PSKH1: variants seen among roughly 807,000 people sequenced by gnomAD.
PSKH1 encodes protein serine kinase H1.
A neutral mutation model predicts 26.7 loss-of-function variants in PSKH1; 12 were observed. The ratio of observed to expected loss-of-function variants is 0.45; its 90% CI spans 0.29 to 0.73. The LOEUF (loss-of-function observed/expected upper bound fraction) is 0.73. PSKH1 is among the 30% of genes least tolerant of loss of function. The pLI is 0.11. For synonymous variants in PSKH1, 213 were observed against 234.3 expected, an observed-to-expected ratio of 0.91 and a Z score of 0.83; for missense variants, 431 against 595.2, an observed-to-expected ratio of 0.72 and a Z score of 2.87.
At position 67,908,899 on chromosome 16, in the gene PSKH1, C is replaced by G. The variant is rs141818380; in HGVS notation, c.150C>G (p.Ala50=). 5.0e-6 allele frequency: 8 copies of G among 1,614,066 alleles called. No homozygotes were observed. Among genetic ancestry groups the G allele is most frequent in the Middle Eastern group, 1.6e-4 (1 of 6,084 alleles). ...TGGACAGTGTTGGCCCTGTCAAAGC[C>G]GGGTTCCCAGCAGCAAGTCAGTATG... ...TEVDSVGPVK[A]GFPAASQYAH... Residue 50 remains alanine, a synonymous_variant, in exon 2 of 3, where the codon GCC becomes GCG. Transcript: ENST00000291041.
intron 1 of PSKH1, among the ~76,000 whole-genome samples, chr16:67,908,283 T>A (rs745640512): frequency 2.0e-5 from 3 of 152,104 alleles, no homozygotes; most frequent in Non-Finnish European, 4.4e-5. Flanking sequence ...TTTGTTTGTT[T>A]GTTTGAGACA....
intron 2 of PSKH1, among the ~76,000 whole-genome samples, chr16:67,914,915 C>T (rs1417410228): frequency 6.6e-6 from 1 of 152,138 alleles, no homozygotes; most frequent in Non-Finnish European, 1.5e-5. Flanking sequence ...GATACGCTGA[C>T]AGAGGAAGGA....
intron 2 of PSKH1, among the ~76,000 whole-genome samples, chr16:67,910,431 C>T (rs1378778862): frequency 6.6e-6 from 1 of 152,224 alleles, no homozygotes; most frequent in African/African-American, 2.4e-5. Context: ...AGTTTCACCA[C>T]ACAATGAGGA....
At chr16:67,904,919 C>T (rs1040443070) in intron 1 of PSKH1, among the ~76,000 whole-genome samples, 5 of 151,486 alleles carry the variant, frequency 3.3e-5, no homozygotes, top group Non-Finnish European at 2.9e-5. Context: ...CTCTGCCTCC[C>T]GCATTCACGC....
rs190574050 is a variant in PSKH1 at position 67,925,336 on chromosome 16, C to T, written c.958-1989C>T. Among the ~76,000 whole-genome samples, 632 of 152,150 alleles carry T rather than the reference C, an allele frequency of 4.2e-3. 6 individuals carry two copies. Among genetic ancestry groups the T allele is most frequent in the African/African-American group, 0.015 (616 of 41,488 alleles). On this transcript the variant is annotated intron_variant, in intron 2 of 2. Transcript: ENST00000291041. Reference sequence around the variant, plus strand: ...TCAGCTTCCTGAGTAGCTGGGACTACAGGCACGCCACCACGCCCGACTAAT... The same window carrying T: ...TCAGCTTCCTGAGTAGCTGGGACTATAGGCACGCCACCACGCCCGACTAAT...
Position 67,909,571 on chromosome 16 carries a change from C to T in PSKH1, c.822C>T (p.Tyr274=). The T allele has an allele frequency of 6.2e-7, 1 of 1,614,100 alleles. No individual in the cohort carries two copies. The highest frequency in any genetic ancestry group is 8.5e-7 in the Non-Finnish European group (1 of 1,180,052). ...CAGAAGTCCTGGTCCGCAAGCCATA[C>T]ACCAACTCAGTGGACATGTGGGCGC... ...IAPEVLVRKP[Y]TNSVDMWALG... The change falls in exon 2 of 3, where the codon TAC becomes TAT. Residue 274 remains tyrosine (Y), a synonymous_variant. Coordinates refer to ENST00000291041, the MANE Select transcript of PSKH1 (RefSeq NM_006742.3). This position sits in a 1 kb window ranked among gnomAD's most constrained non-coding sequence, Gnocchi z 7.8.
At chr16:67,916,218 A>C (rs931560742) in intron 2 of PSKH1, among the ~76,000 whole-genome samples, 1 of 152,202 alleles carries the variant, frequency 6.6e-6, no homozygotes, top group African/African-American at 2.4e-5. Context: ...TGTGTGAATG[A>C]AGGACCTCTG....
At chr16:67,901,443 T>C (rs1171666716) in intron 1 of PSKH1, among the ~76,000 whole-genome samples, 1 of 151,840 alleles carries the variant, frequency 6.6e-6, no homozygotes, top group African/African-American at 2.4e-5. Flanking sequence ...GCAATTCTCC[T>C]GCCTCAGCCT....
chr16:67,900,549 G>A (rs1457848585), intron 1 of PSKH1, among the ~76,000 whole-genome samples: 2 of 152,178 alleles, frequency 1.3e-5, no homozygotes, highest in South Asian at 2.1e-4. Context: ...GAGTCTTTCC[G>A]GAGTGATAGA....
At chr16:67,906,233 C>T (rs1186599075) in intron 1 of PSKH1, among the ~76,000 whole-genome samples, 7 of 152,128 alleles carry the variant, frequency 4.6e-5, no homozygotes, top group South Asian at 4.2e-4. Flanking sequence ...CCACCAAGCC[C>T]GGCTAATTTT....
chr16:67,900,172 G>A (rs1188365725), intron 1 of PSKH1, among the ~76,000 whole-genome samples: 1 of 151,188 alleles, frequency 6.6e-6, no homozygotes, highest in Non-Finnish European at 1.5e-5. Flanking sequence ...ATGTTGGCCA[G>A]GCTGATCTTG....
intron 2 of PSKH1, among the ~76,000 whole-genome samples, chr16:67,916,239 G>A (rs115363989): frequency 8.5e-5 from 13 of 152,320 alleles, no homozygotes; most frequent in Non-Finnish European, 1.8e-4. Context: ...ACGCAGCAGC[G>A]TTTGGAGGTA....
At chr16:67,926,229 C>A (rs1327179003) in intron 2 of PSKH1, among the ~76,000 whole-genome samples, 3 of 152,136 alleles carry the variant, frequency 2.0e-5, no homozygotes, top group African/African-American at 7.2e-5. Flanking sequence ...TGCAGGGACG[C>A]AAGGACTCAC....
chr16:67,927,422 A>G lies in PSKH1; in HGVS notation c.1055A>G (p.His352Arg). ...ARMTALQALR[H>R]PWVVSMAASS... ...ATGACTGCACTGCAGGCCCTGAGGC[A>G]CCCGTGGGTGGTGAGCATGGCTGCC... The change falls in exon 3 of 3, where the codon CAC becomes CGC. Residue 352 changes from histidine to arginine, a missense_variant. By Grantham distance (29) the His-to-Arg change is conservative. Transcript: ENST00000291041. This position sits in a 1 kb window ranked among gnomAD's most constrained non-coding sequence, Gnocchi z 5.5. 6.2e-7 allele frequency: 1 copy of G among 1,614,150 alleles called. No individual in the cohort carries two copies. The highest frequency in any genetic ancestry group is 8.5e-7 in the Non-Finnish European group (1 of 1,180,038).
intron 1 of PSKH1, among the ~76,000 whole-genome samples, chr16:67,895,928 C>T (rs147428808): frequency 1.3e-5 from 2 of 152,258 alleles, no homozygotes; most frequent in African/African-American, 4.8e-5. Context: ...TCTCTAAGTC[C>T]TAATTTCCTT....
At chr16:67,908,658 C>T (rs1598189116) in intron 1 of PSKH1, 22 bp from the exon 2 acceptor site, 1 of 1,132,232 alleles carries the variant, frequency 8.8e-7, no homozygotes, top group African/African-American at 1.6e-5. Flanking sequence ...GCTGTGCTGA[C>T]TTGTTCTCTC....
chr16:67,910,834 C>G (rs1483472422), intron 2 of PSKH1, among the ~76,000 whole-genome samples: 2 of 152,230 alleles, frequency 1.3e-5, no homozygotes, highest in Non-Finnish European at 2.9e-5. Flanking sequence ...TTAGAATATT[C>G]TGATTCACAT....
rs572200490 is a variant in PSKH1 at position 67,925,093 on chromosome 16, C to G, written c.958-2232C>G. ...GTGTTGGGATTATAGGCGGAAGCCA[C>G]TGCTCCTGGCTTTTGGGGTTTTCTT... On this transcript the variant is annotated intron_variant, in intron 2 of 2. Coordinates refer to ENST00000291041, the MANE Select transcript of PSKH1 (RefSeq NM_006742.3). Among the ~76,000 whole-genome samples the G allele has an allele frequency of 2.6e-5, 4 of 152,202 alleles. No homozygotes were observed. The South Asian group carries it at 6.2e-4, about 24-fold the overall frequency.
chr16:67,919,344 G>A (rs940846803), intron 2 of PSKH1, among the ~76,000 whole-genome samples: 2 of 152,146 alleles, frequency 1.3e-5, no homozygotes, highest in African/African-American at 4.8e-5. Context: ...GCTTTCCCAC[G>A]ACTGTCTCAA....
Sources: gnomAD v4.1 joint callset for allele counts (sites outside exome capture counted in the v4.1 genomes callset) on GRCh38, gnomAD v4.1.1 for gene constraint, Gnocchi (gnomAD v3.1) non-coding constraint, MANE v1.5 for transcripts, NCBI Gene and HGNC (gene_info 2026-07-23, HGNC 2026-07-21) for gene names.